The following DPH6 variants were observed in gnomAD, a reference collection of about 807,000 sequenced individuals.
The protein encoded by DPH6 is diphthine--ammonia ligase.
DPH6 carries 33 observed loss-of-function variants against 38.2 expected under a neutral mutation model. That is an observed-to-expected ratio of 0.86 (90% CI 0.65 to 1.15). The LOEUF is 1.15. Among genes scored for constraint, DPH6 ranks in the 50% most tolerant of loss-of-function variants. DPH6 has a pLI of 0.00. For synonymous variants in DPH6, 108 were observed against 103.0 expected (o/e 1.05, Z -0.30); for missense variants, 325 against 320.0 (o/e 1.02, Z -0.12).
intron 3 of DPH6, chr15:35,489,935 A>G: frequency 1.0e-6 from 1 of 977,414 alleles, no homozygotes; most frequent in Non-Finnish European, 1.2e-6. Context: ...AAAGTATCAA[A>G]AAGAAACTAT....
intron 3 of DPH6, among the ~76,000 whole-genome samples, chr15:35,517,409 A>T (rs1316388272): frequency 1.3e-5 from 2 of 152,046 alleles, no homozygotes; most frequent in African/African-American, 4.8e-5. Context: ...TGGTACTCTC[A>T]TTGCAAAGAA....
At chr15:35,210,795 G>A in the DPH6 span, among the ~76,000 whole-genome samples, 1 of 152,024 alleles carries the variant, frequency 6.6e-6, no homozygotes, top group Admixed American at 6.6e-5. Context: ...CTCAAGGGTG[G>A]CACTGTGTTT....
chr15:35,514,130 A>T (rs1318711063), intron 3 of DPH6, among the ~76,000 whole-genome samples: 1 of 152,110 alleles, frequency 6.6e-6, no homozygotes, highest in African/African-American at 2.4e-5. Context: ...TCAATTAACC[A>T]TAAAGAAGAA....
chr15:35,178,288 T>C, the DPH6 span, among the ~76,000 whole-genome samples: 2 of 152,184 alleles, frequency 1.3e-5, no homozygotes, highest in Admixed American at 6.6e-5. Context: ...GGGTAATTTA[T>C]AAAGGAAAGA....
intron 3 of DPH6, among the ~76,000 whole-genome samples, chr15:35,236,285 C>G (rs2051550236): frequency 6.6e-6 from 1 of 152,120 alleles, no homozygotes; most frequent in African/African-American, 2.4e-5. Context: ...TAAAAAGTAA[C>G]AAGTATAGGC....
At chr15:35,191,684 C>T in the DPH6 span, among the ~76,000 whole-genome samples, 1 of 152,194 alleles carries the variant, frequency 6.6e-6, no homozygotes. Flanking sequence ...GAAGTTGACT[C>T]TCCCAATCCT....
chr15:35,509,323 A>G (rs915568450), intron 3 of DPH6, among the ~76,000 whole-genome samples: 3 of 152,218 alleles, frequency 2.0e-5, no homozygotes, highest in African/African-American at 7.2e-5. Context: ...AATCACCACT[A>G]TGGTTAGAGA....
intron 6 of DPH6, among the ~76,000 whole-genome samples, chr15:35,390,651 G>C (rs1204196703): frequency 6.6e-6 from 1 of 152,094 alleles, no homozygotes; most frequent in African/African-American, 2.4e-5. Flanking sequence ...TGAGGCTTGT[G>C]CATTTGTCAC....
At chr15:35,262,412 A>T (rs548461812) in intron 3 of DPH6, among the ~76,000 whole-genome samples, 25 of 152,218 alleles carry the variant, frequency 1.6e-4, no homozygotes, top group Middle Eastern at 3.4e-3. Context: ...GATTTTTTTT[A>T]AAAAGATACC....
intron 3 of DPH6, among the ~76,000 whole-genome samples, chr15:35,473,153 A>G (rs1419898463): frequency 1.3e-5 from 2 of 152,196 alleles, no homozygotes. Flanking sequence ...GCCAGGGGTA[A>G]CAACAGAATC....
Position 35,239,219 on chromosome 15 carries a change from T to C in DPH6, n.201-18637A>G, listed in dbSNP as rs924358238. 2.3e-4 allele frequency among the ~76,000 whole-genome samples: 33 copies of C among 143,978 alleles called. 4 individuals are homozygous for C. Among genetic ancestry groups the C allele is most frequent in the African/African-American group, 8.3e-4 (33 of 39,788 alleles). 94.5% of individuals were successfully genotyped at this position (143,978 alleles called of 152,430 possible). A position where few individuals can be genotyped will look rare whatever the true frequency, so the allele number is the denominator to read the frequency against. On this transcript the variant is annotated intron_variant and non_coding_transcript_variant, in intron 3 of 3. Coordinates refer to the DPH6 transcript ENST00000560386. ...CCAATTTCAAATCCGGTAAGCGGCCTCTTTTTACTCTCTTCTCCAACTTCC... is the reference window on the plus strand; with the variant it reads ...CCAATTTCAAATCCGGTAAGCGGCCCCTTTTTACTCTCTTCTCCAACTTCC...
intron 3 of DPH6, among the ~76,000 whole-genome samples, chr15:35,231,833 G>C (rs983051023): frequency 2.6e-5 from 4 of 152,128 alleles, no homozygotes; most frequent in African/African-American, 9.7e-5. Context: ...AGAGTGAGGG[G>C]AGGAGGTGCC....
At chr15:35,180,863 T>A in the DPH6 span, among the ~76,000 whole-genome samples, 4 of 152,232 alleles carry the variant, frequency 2.6e-5, no homozygotes, top group East Asian at 7.7e-4. Flanking sequence ...TTAATATATA[T>A]TTCTTATGGC....
At chr15:35,260,665 G>T (rs985857876) in intron 3 of DPH6, among the ~76,000 whole-genome samples, 1 of 151,820 alleles carries the variant, frequency 6.6e-6, no homozygotes, top group Non-Finnish European at 1.5e-5. Context: ...TTAAAATTCA[G>T]ATACAAATTT....
intron 7 of DPH6, among the ~76,000 whole-genome samples, chr15:35,379,213 T>G (rs1263239789): frequency 1.3e-5 from 2 of 152,142 alleles, no homozygotes; most frequent in Non-Finnish European, 2.9e-5. Flanking sequence ...ACATGGCCCC[T>G]CCCTCACCTC....
the DPH6 span, among the ~76,000 whole-genome samples, chr15:35,176,856 A>T: frequency 6.6e-6 from 1 of 152,238 alleles, no homozygotes; most frequent in East Asian, 1.9e-4. Context: ...CTACCATAAT[A>T]ACAGTCAGAC....
intron 5 of DPH6, among the ~76,000 whole-genome samples, chr15:35,441,886 C>A (rs1052427623): frequency 6.6e-6 from 1 of 151,648 alleles, no homozygotes; most frequent in African/African-American, 2.4e-5. Flanking sequence ...AAGGACAGAA[C>A]CAGGAAATCA....
chr15:35,173,040 T>G, the DPH6 span, among the ~76,000 whole-genome samples: 1 of 152,358 alleles, frequency 6.6e-6, no homozygotes, highest in South Asian at 2.1e-4. Context: ...AAACTATTGC[T>G]TCTAAGTGCT....
intron 7 of DPH6, among the ~76,000 whole-genome samples, chr15:35,374,271 A>G (rs983492357): frequency 5.9e-5 from 9 of 152,106 alleles, no homozygotes; most frequent in African/African-American, 1.9e-4. Flanking sequence ...ATTATTTTTT[A>G]TTGTTTATTA....
Sources: gnomAD v4.1 joint callset for allele counts (sites outside exome capture counted in the v4.1 genomes callset) on GRCh38, gnomAD v4.1.1 for gene constraint, MANE v1.5 for transcripts, NCBI Gene and HGNC (gene_info 2026-07-23, HGNC 2026-07-21) for gene names.